ANGPT1: variants seen among roughly 807,000 people sequenced by gnomAD.
The protein encoded by ANGPT1 is angiopoietin 1, also known as angiopoietin-1.
A neutral mutation model predicts 62.2 loss-of-function variants in ANGPT1; 17 were observed. The observed-to-expected ratio is 0.27, with a 90% CI of 0.19 to 0.41. The LOEUF is 0.41. ANGPT1 is among the 10% of genes least tolerant of loss of function. The pLI is 1.00. For synonymous variants in ANGPT1, 199 were observed against 198.9 expected (o/e 1.00, Z 0.00); for missense variants, 478 against 594.9 (o/e 0.80, Z 2.04).
At position 107,445,855 on chromosome 8, in the gene ANGPT1, G is replaced by A. The variant is rs535334459; in HGVS notation, c.297+51407C>T. 2.1e-3 allele frequency among the ~76,000 whole-genome samples: 320 copies of A among 152,118 alleles called. 1 individual carries two copies. Among genetic ancestry groups the A allele is most frequent in the Non-Finnish European group, 3.4e-3 (230 of 68,000 alleles). On this transcript the variant is annotated intron_variant, in intron 1 of 8. Coordinates refer to ENST00000517746, the MANE Select transcript of ANGPT1 (RefSeq NM_001146.5). ...TTTTAAAGTTTCTAGTATGCTACAC[G>A]TGGAAAGTAGAAAATAAATAGGTGG...
intron 1 of ANGPT1, among the ~76,000 whole-genome samples, chr8:107,393,052 A>C (rs968897973): frequency 6.6e-6 from 1 of 152,196 alleles, no homozygotes; most frequent in African/African-American, 2.4e-5. Flanking sequence ...TATTTGAACA[A>C]GTTATGCATT....
intron 4 of ANGPT1, among the ~76,000 whole-genome samples, chr8:107,319,718 G>C (rs911120049): frequency 2.0e-5 from 3 of 151,796 alleles, no homozygotes; most frequent in Admixed American, 6.6e-5. Flanking sequence ...CATAGCCAAC[G>C]ACTAAGGCTC....
intron 8 of ANGPT1, among the ~76,000 whole-genome samples, chr8:107,253,062 C>T (rs1813281589): frequency 6.6e-6 from 1 of 152,144 alleles, no homozygotes; most frequent in African/African-American, 2.4e-5. Context: ...AAAGCTAGTT[C>T]TCATTTTTCA....
At chr8:107,481,282 C>T (rs893530656) in intron 1 of ANGPT1, among the ~76,000 whole-genome samples, 1 of 152,046 alleles carries the variant, frequency 6.6e-6, no homozygotes, top group Non-Finnish European at 1.5e-5. Flanking sequence ...TGCCTGTAAT[C>T]CCAGCACTTT....
intron 1 of ANGPT1, among the ~76,000 whole-genome samples, chr8:107,453,356 A>C (rs1478348085): frequency 6.6e-6 from 1 of 152,108 alleles, no homozygotes; most frequent in Non-Finnish European, 1.5e-5. Flanking sequence ...AATTTACAAA[A>C]GAAAGAGGTT....
intron 1 of ANGPT1, among the ~76,000 whole-genome samples, chr8:107,349,749 A>G (rs1815892989): frequency 1.3e-5 from 2 of 152,130 alleles, no homozygotes; most frequent in South Asian, 2.1e-4. Context: ...CCTCTAACCT[A>G]TTTAGCCTAG....
At chr8:107,414,657 G>C (rs768183565) in intron 1 of ANGPT1, among the ~76,000 whole-genome samples, 13 of 152,126 alleles carry the variant, frequency 8.5e-5, no homozygotes, top group Non-Finnish European at 1.6e-4. Flanking sequence ...TCCAAACCAG[G>C]CAACTTGTTA....
intron 1 of ANGPT1, among the ~76,000 whole-genome samples, chr8:107,370,146 G>C (rs113492966): frequency 0.15 from 20,543 of 132,576 alleles, 1,875 homozygotes; most frequent in Admixed American, 0.21. Flanking sequence ...AAAAGAGAGA[G>C]AGAGAAAGAG....
chr8:107,449,609 C>T (rs58676797), intron 1 of ANGPT1, among the ~76,000 whole-genome samples: 11,762 of 152,026 alleles, frequency 0.077, 485 homozygotes, highest in Middle Eastern at 0.095. Flanking sequence ...ATAAATGAGA[C>T]CTATTTATTT....
At chr8:107,324,160 T>A (rs79169900) in intron 3 of ANGPT1, among the ~76,000 whole-genome samples, 1 of 143,832 alleles carries the variant, frequency 7.0e-6, no homozygotes, top group African/African-American at 2.8e-5. Context: ...AAAAAAAAAA[T>A]ATGTATATAT....
intron 4 of ANGPT1, among the ~76,000 whole-genome samples, chr8:107,318,743 C>T (rs1030502295): frequency 1.3e-5 from 2 of 151,780 alleles, no homozygotes; most frequent in Non-Finnish European, 2.9e-5. Flanking sequence ...TGGAGTAAAA[C>T]GTGATGTTTT....
At chr8:107,422,819 A>G (rs1199493954) in intron 1 of ANGPT1, among the ~76,000 whole-genome samples, 2 of 152,206 alleles carry the variant, frequency 1.3e-5, no homozygotes, top group South Asian at 2.1e-4. Flanking sequence ...AATAATAATA[A>G]TAATGGTTTT....
In ANGPT1 at chr8:107,290,872, T is replaced by C. The variant is rs544188535; in HGVS notation, c.1038+3064A>G. ...ATTGCTTAGAAATGGATATATTTGG[T>C]AAATACTTACAAGACATGAATTGAT... is the stretch of plus-strand genomic sequence containing the variant. On this transcript the variant is annotated intron_variant, in intron 6 of 8. Coordinates refer to ENST00000517746, the MANE Select transcript of ANGPT1 (RefSeq NM_001146.5). Among the ~76,000 whole-genome samples, 22 of 152,306 alleles carry C rather than the reference T, an allele frequency of 1.4e-4. No homozygotes were observed. In the South Asian group the frequency reaches 4.6e-3, roughly 32 times the overall value.
chr8:107,342,498 G>C (rs1229577937), intron 2 of ANGPT1, among the ~76,000 whole-genome samples: 1 of 152,074 alleles, frequency 6.6e-6, no homozygotes. Flanking sequence ...TAACAATTTA[G>C]CTCCACCATT....
Position 107,385,352 on chromosome 8 carries a change from T to C in ANGPT1, c.298-38255A>G, listed in dbSNP as rs577797659. Among the ~76,000 whole-genome samples the C allele has an allele frequency of 3.9e-5, 6 of 152,264 alleles. No homozygotes were observed. In the South Asian group the frequency reaches 1.2e-3, roughly 32 times the overall value. On this transcript the variant is annotated intron_variant, in intron 1 of 8. Transcript: ENST00000517746. ...TTGTTGTAGAGATCTTTCACCTTCC[T>C]GGTTAGCTGTATTCTAGGTATTTAA...
At chr8:107,391,991 ATGT>A (rs752687826) in intron 1 of ANGPT1, among the ~76,000 whole-genome samples, 1 of 152,192 alleles carries the variant, frequency 6.6e-6, no homozygotes, top group Non-Finnish European at 1.5e-5. Flanking sequence ...ACTGATGGAA[ATGT>A]TGTTATGTGG....
chr8:107,316,469 C>T (rs1241138459), intron 4 of ANGPT1, among the ~76,000 whole-genome samples: 1 of 152,146 alleles, frequency 6.6e-6, no homozygotes, highest in Non-Finnish European at 1.5e-5. Flanking sequence ...ATTAAATAAA[C>T]TAATATATGC....
intron 8 of ANGPT1, among the ~76,000 whole-genome samples, chr8:107,255,356 G>A (rs1037605584): frequency 2.0e-5 from 3 of 152,144 alleles, no homozygotes; most frequent in Non-Finnish European, 4.4e-5. Context: ...TGGAGTGCCA[G>A]TGGGTTAAAG....
chr8:107,261,677 C>G (rs1341793721), intron 8 of ANGPT1, among the ~76,000 whole-genome samples: 3 of 150,158 alleles, frequency 2.0e-5, no homozygotes, highest in Non-Finnish European at 3.0e-5. Context: ...TGCACTCCAG[C>G]CTGGGTGACA....
Sources: gnomAD v4.1 joint callset for allele counts (sites outside exome capture counted in the v4.1 genomes callset) on GRCh38, gnomAD v4.1.1 for gene constraint, MANE v1.5 for transcripts, NCBI Gene and HGNC (gene_info 2026-07-23, HGNC 2026-07-21) for gene names.